The following PNOC variants were observed in gnomAD, a reference collection of about 807,000 sequenced individuals.
PNOC encodes the protein prepronociceptin.
In PNOC, 10 loss-of-function variants were observed where a neutral mutation model predicts 15.6. That is an observed-to-expected ratio of 0.64 (90% CI 0.40 to 1.09). The LOEUF is 1.09. Ranked by LOEUF, PNOC falls within the 50% of genes least tolerant of loss-of-function variation. PNOC has a pLI of 0.01. For missense variants in PNOC, 220 were observed against 223.9 expected (o/e 0.98, Z 0.11); for synonymous variants, 98 against 88.5 (o/e 1.11, Z -0.60).
intron 2 of PNOC, among the ~76,000 whole-genome samples, chr8:28,331,458 G>C (rs764747604): frequency 1.3e-5 from 2 of 151,944 alleles, no homozygotes; most frequent in African/African-American, 4.8e-5. Context: ...ATAAAGGATC[G>C]CCAAGATTCT....
At chr8:28,325,307 A>C (rs1801207222) in intron 1 of PNOC, among the ~76,000 whole-genome samples, 1 of 152,192 alleles carries the variant, frequency 6.6e-6, no homozygotes. Flanking sequence ...TGTGTGAAGG[A>C]TGAGTTGGAG....
intron 1 of PNOC, among the ~76,000 whole-genome samples, chr8:28,324,422 A>T (rs186024935): frequency 6.6e-6 from 1 of 152,210 alleles, no homozygotes; most frequent in African/African-American, 2.4e-5. Flanking sequence ...ACCTCATATT[A>T]GGAAGGAAAG....
intron 2 of PNOC, chr8:28,338,783 C>A: frequency 4.2e-6 from 5 of 1,201,990 alleles, no homozygotes; most frequent in Non-Finnish European, 5.2e-6. Flanking sequence ...TGCTGTGACA[C>A]CAGAGGTAAG....
chr8:28,337,813 G>C (rs539869961), intron 2 of PNOC, among the ~76,000 whole-genome samples: 1 of 150,516 alleles, frequency 6.6e-6, no homozygotes, highest in Non-Finnish European at 1.5e-5. Context: ...GGATGGTCTC[G>C]ATCTCCTGAC....
At chr8:28,336,928 T>G (rs1462649739) in intron 2 of PNOC, among the ~76,000 whole-genome samples, 1 of 151,566 alleles carries the variant, frequency 6.6e-6, no homozygotes, top group Non-Finnish European at 1.5e-5. Context: ...GGGAGTGAGG[T>G]GCCACTCAGA....
chr8:28,336,076 C>A (rs1391713848), intron 2 of PNOC, among the ~76,000 whole-genome samples: 1 of 152,170 alleles, frequency 6.6e-6, no homozygotes, highest in Non-Finnish European at 1.5e-5. Flanking sequence ...CAACTAGCTG[C>A]GACCCCTGTT....
chr8:28,338,750 T>A, intron 2 of PNOC: 1 of 1,128,696 alleles, frequency 8.9e-7, no homozygotes, highest in Middle Eastern at 3.8e-4. Flanking sequence ...GCATTTATCC[T>A]GTGTTAACTT....
At chr8:28,341,823 C>T (rs145158736) in intron 3 of PNOC, among the ~76,000 whole-genome samples, 22 of 152,332 alleles carry the variant, frequency 1.4e-4, no homozygotes, top group African/African-American at 5.3e-4. Context: ...CCAACATGCA[C>T]AGTTGGTGAG....
At chr8:28,339,518 G>A (rs1204118661) in intron 3 of PNOC, 27 bp downstream of exon 3, 3 of 1,462,954 alleles carry the variant, frequency 2.1e-6, no homozygotes, top group Middle Eastern at 3.8e-4. Context: ...TAAGCTGGGG[G>A]CAAGGAGAGA....
intron 1 of PNOC, among the ~76,000 whole-genome samples, chr8:28,323,912 A>AG (rs1271865068): frequency 2.6e-5 from 4 of 152,242 alleles, no homozygotes; most frequent in African/African-American, 9.6e-5. Context: ...AGCCACCTGT[A>AG]GGGTGGATGG....
intron 2 of PNOC, chr8:28,338,685 G>C: frequency 3.9e-6 from 4 of 1,024,586 alleles, no homozygotes; most frequent in Non-Finnish European, 4.7e-6. Context: ...ACAGTCATGA[G>C]CTGTGCTTGG....
At chr8:28,327,740 T>A (rs1161848258) in intron 1 of PNOC, among the ~76,000 whole-genome samples, 1 of 152,088 alleles carries the variant, frequency 6.6e-6, no homozygotes, top group African/African-American at 2.4e-5. Flanking sequence ...AGTCTTGAAC[T>A]CCTGACCTCT....
intron 2 of PNOC, 122 bp downstream of exon 2, chr8:28,329,405 A>C (rs1472069840): frequency 9.1e-7 from 1 of 1,103,844 alleles, no homozygotes; most frequent in Non-Finnish European, 1.3e-6. Context: ...GGACTTGCTC[A>C]GCATTACATG....
At chr8:28,317,954 T>A (rs1329210471) in intron 1 of PNOC, among the ~76,000 whole-genome samples, 1 of 152,136 alleles carries the variant, frequency 6.6e-6, no homozygotes, top group East Asian at 1.9e-4. Flanking sequence ...GGCGTGTGAA[T>A]TCCAGAGAGC....
intron 1 of PNOC, among the ~76,000 whole-genome samples, chr8:28,321,389 G>C (rs1189395597): frequency 1.3e-5 from 2 of 152,038 alleles, no homozygotes; most frequent in Admixed American, 6.6e-5. Flanking sequence ...ATATGTGGGA[G>C]TGTGGCCCAG....
At position 28,339,110 on chromosome 8, in the gene PNOC, C is replaced by T. The variant is rs990566263; in HGVS notation, c.197C>T (p.Ala66Val). ...TGGACTCCATGCACCAAGGTCATGGCCAGGAGCTCTTGGCAGCTCAGCCCT... is the reference window on the plus strand; with the variant it reads ...TGGACTCCATGCACCAAGGTCATGGTCAGGAGCTCTTGGCAGCTCAGCCCT... ...PLWTPCTKVM[A>V]RSSWQLSPAA... Residue 66 changes from alanine to valine, a missense_variant, in exon 3 of 4, where the codon GCC (alanine) becomes GTC (valine). By Grantham distance (64) the Ala-to-Val change is moderately conservative. Coordinates refer to ENST00000301908, the MANE Select transcript of PNOC (RefSeq NM_006228.5). 4.3e-6 allele frequency: 7 copies of T among 1,610,002 alleles called. No homozygotes were observed. The East Asian group carries it at 1.3e-4, about 31-fold the overall frequency.
intron 1 of PNOC, among the ~76,000 whole-genome samples, chr8:28,320,959 T>C (rs1339792159): frequency 6.6e-6 from 1 of 152,224 alleles, no homozygotes; most frequent in East Asian, 1.9e-4. Context: ...ATGATTTTAT[T>C]ACATAAAAGT....
intron 2 of PNOC, among the ~76,000 whole-genome samples, chr8:28,333,325 T>C (rs1200479894): frequency 2.0e-5 from 3 of 152,198 alleles, no homozygotes; most frequent in Non-Finnish European, 4.4e-5. Flanking sequence ...GCTTTACAGA[T>C]GAATTTGGCA....
At chr8:28,342,254 G>A (rs975559722) in intron 3 of PNOC, among the ~76,000 whole-genome samples, 4 of 151,394 alleles carry the variant, frequency 2.6e-5, no homozygotes, top group African/African-American at 9.7e-5. Flanking sequence ...TTGGGAGGCT[G>A]AGGCAGGAGA....
Sources: gnomAD v4.1 joint callset for allele counts (sites outside exome capture counted in the v4.1 genomes callset) on GRCh38, gnomAD v4.1.1 for gene constraint, MANE v1.5 for transcripts, NCBI Gene and HGNC (gene_info 2026-07-23, HGNC 2026-07-21) for gene names.